The following ZNHIT6 variants were observed in gnomAD, a reference collection of about 807,000 sequenced individuals.
ZNHIT6 encodes zinc finger HIT-type containing 6.
A neutral mutation model predicts 57.2 loss-of-function variants in ZNHIT6; 45 were observed. The observed-to-expected ratio is 0.79, with a 90% CI of 0.62 to 1.01. The LOEUF is 1.01. Among genes scored for constraint, ZNHIT6 ranks in the 50% least tolerant of loss-of-function variants. The pLI is 0.00. For synonymous variants in ZNHIT6, 188 were observed against 190.0 expected (o/e 0.99, Z 0.09); for missense variants, 528 against 567.3 (o/e 0.93, Z 0.70).
At chr1:85,687,288 C>CAAAAAAAAAAAAAAAAAAAAAAAA (rs1358501791) in intron 5 of ZNHIT6, among the ~76,000 whole-genome samples, 1 of 75,226 alleles carries the variant, frequency 1.3e-5, no homozygotes, top group African/African-American at 5.6e-5. Context: ...TCTCAAAAAA[C>CAAAAAAAAAAAAAAAAAAAAAAAA]AAAAAAAAAA....
Position 85,652,786 on chromosome 1 carries a change from C to T in ZNHIT6, c.*1272G>A, listed in dbSNP as rs931660001. 4 of 152,098 alleles carry T rather than the reference C, an allele frequency of 2.6e-5. No homozygotes were observed. Among genetic ancestry groups the T allele is most frequent in the African/African-American group, 4.8e-5 (2 of 41,418 alleles). 9.4% of individuals were successfully genotyped at this position (152,098 alleles called of 1,614,324 possible). ...TCCAGTTTTATCATTGCTTTTTAAC[C>T]ATTAAGTACACACATACAATATAGA... On this transcript the variant is annotated 3_prime_UTR_variant, in exon 10 of 10. Transcript: ENST00000370574.
chr1:85,652,657 C>G lies in ZNHIT6; in HGVS notation c.*1401G>C, dbSNP rs1660944787. ...TATCTTCTGCTCATCTTCTCATTCTCTTTTCATATTTCAGATCTTTTTAAG... is the reference window on the plus strand; with the variant it reads ...TATCTTCTGCTCATCTTCTCATTCTGTTTTCATATTTCAGATCTTTTTAAG... On this transcript the variant is annotated 3_prime_UTR_variant, in exon 10 of 10. Coordinates refer to ENST00000370574, the MANE Select transcript of ZNHIT6 (RefSeq NM_017953.4). 6.6e-6 allele frequency: 1 copy of G among 152,280 alleles called. No homozygotes were observed. Among genetic ancestry groups the G allele is most frequent in the African/African-American group, 2.4e-5 (1 of 41,556 alleles). The allele number at this position is 152,280 out of a possible 1,614,324, so 9.4% of individuals were successfully genotyped here. A position where few individuals can be genotyped will look rare whatever the true frequency, so the allele number is the denominator to read the frequency against.
chr1:85,687,974 C>T (rs1191435796), intron 5 of ZNHIT6, among the ~76,000 whole-genome samples: 1 of 149,476 alleles, frequency 6.7e-6, no homozygotes, highest in African/African-American at 2.5e-5. Flanking sequence ...ACCCCGGAGA[C>T]AGAGGTTGCA....
intron 7 of ZNHIT6, among the ~76,000 whole-genome samples, chr1:85,678,408 C>T (rs1453536385): frequency 6.6e-6 from 1 of 152,136 alleles, no homozygotes; most frequent in African/African-American, 2.4e-5. Context: ...TTAACCACTT[C>T]AAGGCTCAGT....
intron 6 of ZNHIT6, among the ~76,000 whole-genome samples, chr1:85,680,018 C>CCTTGCCTCTACAA (rs1557853661): frequency 6.6e-6 from 1 of 152,164 alleles, no homozygotes; most frequent in Non-Finnish European, 1.5e-5. Flanking sequence ...CCTGCCTGGG[C>CCTTGCCTCTACAA]AACATAGTGA....
At chr1:85,673,750 T>G (rs1307020575) in intron 8 of ZNHIT6, among the ~76,000 whole-genome samples, 1 of 68,166 alleles carries the variant, frequency 1.5e-5, no homozygotes, top group Non-Finnish European at 3.5e-5. Context: ...TACTTTCCTT[T>G]AAGGATGTAA....
chr1:85,674,323 C>T (rs754295559), intron 8 of ZNHIT6, among the ~76,000 whole-genome samples: 1 of 151,384 alleles, frequency 6.6e-6, no homozygotes, highest in Non-Finnish European at 1.5e-5. Flanking sequence ...TTTTCGGAGA[C>T]GAGGTCCTGC....
At chr1:85,677,594 T>C (rs902500471) in intron 7 of ZNHIT6, among the ~76,000 whole-genome samples, 1 of 152,234 alleles carries the variant, frequency 6.6e-6, no homozygotes, top group Non-Finnish European at 1.5e-5. Context: ...TTTGTCTTAC[T>C]GGCAAATATA....
chr1:85,683,863 C>G (rs1006528657), intron 5 of ZNHIT6, among the ~76,000 whole-genome samples: 1 of 152,056 alleles, frequency 6.6e-6, no homozygotes, highest in Non-Finnish European at 1.5e-5. Context: ...GTCCTTTGCA[C>G]TGCAGGACGT....
At chr1:85,674,756 T>A (rs1661655339) in intron 8 of ZNHIT6, among the ~76,000 whole-genome samples, 1 of 152,182 alleles carries the variant, frequency 6.6e-6, no homozygotes, top group South Asian at 2.1e-4. Flanking sequence ...TTTTAAGCCA[T>A]GAGACCATGG....
intron 5 of ZNHIT6, among the ~76,000 whole-genome samples, chr1:85,686,182 C>G (rs931226835): frequency 6.6e-6 from 1 of 150,708 alleles, no homozygotes; most frequent in African/African-American, 2.4e-5. Flanking sequence ...AGGATGGTCT[C>G]AATCTCCTGA....
At chr1:85,679,399 T>C (rs1454440639) in intron 6 of ZNHIT6, among the ~76,000 whole-genome samples, 1 of 152,090 alleles carries the variant, frequency 6.6e-6, no homozygotes, top group East Asian at 1.9e-4. Context: ...AGTCTTTTCC[T>C]TGTATGCAAC....
At position 85,696,362 on chromosome 1, in the gene ZNHIT6, T is replaced by C. The variant is rs183727988; in HGVS notation, c.1019+5795A>G. On this transcript the variant is annotated intron_variant, in intron 5 of 9. Transcript: ENST00000370574. ...TTCAGACAATTGTTTTAAACTCCAA[T>C]TCTTTTTTTTCACTGAACATGTCAT... is the stretch of plus-strand genomic sequence containing the variant. 1.8e-3 allele frequency among the ~76,000 whole-genome samples: 273 copies of C among 152,236 alleles called. 8 individuals carry two copies. In the South Asian group the frequency reaches 0.05, roughly 28 times the overall value.
intron 5 of ZNHIT6, among the ~76,000 whole-genome samples, 192 bp downstream of exon 5, chr1:85,701,965 C>T (rs7412025): frequency 9.3e-5 from 14 of 150,596 alleles, no homozygotes; most frequent in Admixed American, 4.6e-4. Flanking sequence ...CACACACACA[C>T]GCACACACTG....
intron 1 of ZNHIT6, 102 bp from the exon 2 acceptor site, chr1:85,706,609 G>A: frequency 9.3e-7 from 1 of 1,080,338 alleles, no homozygotes; most frequent in Non-Finnish European, 1.3e-6. Context: ...ACAAGTAACT[G>A]ATAAAATATT....
intron 9 of ZNHIT6, among the ~76,000 whole-genome samples, chr1:85,654,710 A>C (rs1180336498): frequency 6.6e-6 from 1 of 152,172 alleles, no homozygotes; most frequent in Non-Finnish European, 1.5e-5. Context: ...TGTAACTGCA[A>C]ATCATTCTGC....
At chr1:85,656,261 A>G (rs957551171) in intron 9 of ZNHIT6, among the ~76,000 whole-genome samples, 1 of 152,206 alleles carries the variant, frequency 6.6e-6, no homozygotes, top group Non-Finnish European at 1.5e-5. Flanking sequence ...AAATCCTGTC[A>G]GATACTTTTA....
At chr1:85,675,682 C>G (rs1012057315) in intron 8 of ZNHIT6, among the ~76,000 whole-genome samples, 2 of 152,210 alleles carry the variant, frequency 1.3e-5, no homozygotes, top group African/African-American at 4.8e-5. Context: ...CTAAGTCCTA[C>G]ATGCCATCTT....
chr1:85,675,001 A>G (rs1661660587), intron 8 of ZNHIT6, among the ~76,000 whole-genome samples: 2 of 152,198 alleles, frequency 1.3e-5, no homozygotes, highest in South Asian at 4.1e-4. Context: ...TGTGTACTGT[A>G]AGTCCATGAA....
Sources: gnomAD v4.1 joint callset for allele counts (sites outside exome capture counted in the v4.1 genomes callset) on GRCh38, gnomAD v4.1.1 for gene constraint, MANE v1.5 for transcripts, NCBI Gene and HGNC (gene_info 2026-07-23, HGNC 2026-07-21) for gene names.